SLC9C2: variants seen among roughly 807,000 people sequenced by gnomAD.
SLC9C2 encodes solute carrier family 9 member C2 (putative).
In SLC9C2, 75 loss-of-function variants were observed where a neutral mutation model predicts 140.2. The ratio of observed to expected loss-of-function variants is 0.53; its 90% confidence interval spans 0.44 to 0.65. The LOEUF is 0.65. Among genes scored for constraint, SLC9C2 ranks in the 30% least tolerant of loss-of-function variants. SLC9C2 has a pLI of 0.00. For missense variants in SLC9C2, 1,074 were observed against 1,331.8 expected, an observed-to-expected ratio of 0.81 and a Z score of 3.01; for synonymous variants, 375 against 420.9, an observed-to-expected ratio of 0.89 and a Z score of 1.34.
At chr1:173,584,170 A>G (rs1665716641) in intron 5 of SLC9C2, among the ~76,000 whole-genome samples, 1 of 148,444 alleles carries the variant, frequency 6.7e-6, no homozygotes, top group Admixed American at 6.7e-5. Context: ...ATTCCTCCAC[A>G]AAAATGAATG....
At chr1:173,588,255 T>C (rs1232161531) in intron 4 of SLC9C2, among the ~76,000 whole-genome samples, 1 of 152,184 alleles carries the variant, frequency 6.6e-6, no homozygotes, top group Non-Finnish European at 1.5e-5. Context: ...TACCTTTTAT[T>C]AGTTGTAAAA....
chr1:173,543,045 A>C (rs1018346483), intron 13 of SLC9C2, among the ~76,000 whole-genome samples: 1 of 152,198 alleles, frequency 6.6e-6, no homozygotes, highest in Non-Finnish European at 1.5e-5. Flanking sequence ...AGGGTATTCA[A>C]TTAGGAAAAG....
intron 10 of SLC9C2, chr1:173,555,457 C>G (rs1299451600): frequency 1.3e-5 from 2 of 152,248 alleles, no homozygotes; most frequent in Non-Finnish European, 2.9e-5. Context: ...GTCTCTCACA[C>G]TTGACTAATA....
intron 9 of SLC9C2, among the ~76,000 whole-genome samples, chr1:173,572,420 TCA>T (rs1491456703): frequency 5.0e-5 from 6 of 118,884 alleles, no homozygotes; most frequent in African/African-American, 2.4e-4. Context: ...GTTAGCAGAC[TCA>T]AGTTTCCATG....
chr1:173,567,511 T>A (rs1664551319), intron 9 of SLC9C2, among the ~76,000 whole-genome samples: 1 of 152,124 alleles, frequency 6.6e-6, no homozygotes, highest in South Asian at 2.1e-4. Flanking sequence ...GCATGGAATG[T>A]CTTTTTCCAT....
chr1:173,503,425 T>C (rs542947345), intron 26 of SLC9C2, 99 bp from the exon 27 acceptor site: 2 of 1,102,800 alleles, frequency 1.8e-6, no homozygotes, highest in Non-Finnish European at 2.6e-6. Flanking sequence ...TTTCTCCCTA[T>C]AAGTTTCCCT....
intron 23 of SLC9C2, among the ~76,000 whole-genome samples, chr1:173,510,489 C>A (rs1055696497): frequency 2.0e-5 from 3 of 152,136 alleles, no homozygotes; most frequent in Non-Finnish European, 4.4e-5. Flanking sequence ...CCTCTCACCC[C>A]CTCAATCCCC....
At chr1:173,586,524 A>T (rs1220275026) in intron 5 of SLC9C2, among the ~76,000 whole-genome samples, 1 of 152,082 alleles carries the variant, frequency 6.6e-6, no homozygotes, top group African/African-American at 2.4e-5. Context: ...CAATCCCATT[A>T]CTGGGTATAT....
intron 24 of SLC9C2, among the ~76,000 whole-genome samples, chr1:173,509,283 A>C (rs1158949527): frequency 6.6e-6 from 1 of 151,968 alleles, no homozygotes; most frequent in Non-Finnish European, 1.5e-5. Context: ...GTCTCTACTA[A>C]TAATAAAAAA....
intron 4 of SLC9C2, among the ~76,000 whole-genome samples, chr1:173,596,072 C>T (rs957802094): frequency 6.6e-6 from 1 of 152,140 alleles, no homozygotes; most frequent in Non-Finnish European, 1.5e-5. Flanking sequence ...TCTCTTAGCA[C>T]AATGCATTTT....
chr1:173,533,572 C>G, intron 17 of SLC9C2, 37 bp downstream of exon 17: 9 of 1,501,782 alleles, frequency 6.0e-6, no homozygotes, highest in Non-Finnish European at 8.2e-6. Flanking sequence ...GCTACCACTC[C>G]TGGCAAATCT....
chr1:173,569,270 A>T (rs561350091), intron 9 of SLC9C2, among the ~76,000 whole-genome samples: 1 of 151,958 alleles, frequency 6.6e-6, no homozygotes, highest in South Asian at 2.1e-4. Flanking sequence ...TCTGCTATTA[A>T]GAGACTCTAA....
chr1:173,504,227 A>G (rs1659474042), intron 26 of SLC9C2, among the ~76,000 whole-genome samples: 1 of 152,172 alleles, frequency 6.6e-6, no homozygotes, highest in African/African-American at 2.4e-5. Context: ...ACCCTAGAAG[A>G]GGGTGAGCCA....
At chr1:173,511,625 T>G (rs1055411693) in intron 23 of SLC9C2, among the ~76,000 whole-genome samples, 1 of 152,226 alleles carries the variant, frequency 6.6e-6, no homozygotes, top group African/African-American at 2.4e-5. Context: ...ACTCTAATGA[T>G]AGTTTCTTTT....
At chr1:173,508,638 C>T (rs555431210) in intron 24 of SLC9C2, among the ~76,000 whole-genome samples, 24 of 152,292 alleles carry the variant, frequency 1.6e-4, no homozygotes, top group Non-Finnish European at 3.2e-4. Flanking sequence ...GTATGACACA[C>T]TCATTTTTTA....
intron 24 of SLC9C2, among the ~76,000 whole-genome samples, chr1:173,508,788 A>G (rs1659831619): frequency 6.6e-6 from 1 of 152,220 alleles, no homozygotes; most frequent in South Asian, 2.1e-4. Context: ...CAAATGTGAG[A>G]TTGTAAATTG....
chr1:173,523,740 A>G (rs1003094119), intron 21 of SLC9C2, among the ~76,000 whole-genome samples: 1 of 152,264 alleles, frequency 6.6e-6, no homozygotes, highest in African/African-American at 2.4e-5. Flanking sequence ...GGTAATAGTC[A>G]GACACATATA....
intron 22 of SLC9C2, among the ~76,000 whole-genome samples, chr1:173,520,338 C>A (rs552582537): frequency 1.3e-5 from 2 of 152,334 alleles, no homozygotes; most frequent in Non-Finnish European, 2.9e-5. Flanking sequence ...GGTGGGATTA[C>A]AGCTGTGAGC....
chr1:173,518,875 G>GTAGGCA (rs1163862404), intron 22 of SLC9C2, among the ~76,000 whole-genome samples: 6 of 152,092 alleles, frequency 3.9e-5, no homozygotes, highest in Admixed American at 3.3e-4. Flanking sequence ...AAAAGATGAT[G>GTAGGCA]GCATTTGAGG....
Sources: allele counts gnomAD v4.1 joint callset (sites outside exome capture counted in the v4.1 genomes callset), GRCh38; gene constraint gnomAD v4.1.1; transcripts MANE v1.5; gene names NCBI Gene and HGNC (gene_info 2026-07-23, HGNC 2026-07-21).